Variants in CLSTN2 observed in about 807,000 individuals in gnomAD.
CLSTN2 encodes calsyntenin 2.
Under a neutral mutation model 101.2 loss-of-function variants are expected in CLSTN2, and 48 were observed. The ratio of observed to expected loss-of-function variants is 0.47; its 90% CI spans 0.38 to 0.60. The LOEUF is 0.60. CLSTN2 is among the 20% of genes least tolerant of loss of function. The probability of loss-of-function intolerance (pLI) is 0.00; values close to 1 mark genes in which losing one functional copy is unlikely to be tolerated. For synonymous variants in CLSTN2, 481 were observed against 463.6 expected, an observed-to-expected ratio of 1.04 and a Z score of -0.48; for missense variants, 1,160 against 1,238.2, an observed-to-expected ratio of 0.94 and a Z score of 0.95.
chr3:140,547,372 G>A (rs990003221), intron 10 of CLSTN2, among the ~76,000 whole-genome samples: 4 of 152,068 alleles, frequency 2.6e-5, no homozygotes, highest in African/African-American at 9.7e-5. Context: ...TACTCAGGAG[G>A]CTGAGGCAGG....
rs922984342 is a variant in CLSTN2, at chr3:140,573,993, A to G, written c.*7740A>G. ...GTGAGACTAGTATAGATCTCCAACT[A>G]TTGCTGCCTCTGCTGATATGGCCAC... On this transcript the variant is annotated 3_prime_UTR_variant, in exon 17 of 17. Transcript: ENST00000458420. 1 of 152,024 alleles carries G rather than the reference A, an allele frequency of 6.6e-6. No homozygotes were observed. Among genetic ancestry groups the G allele is most frequent in the African/African-American group, 2.4e-5 (1 of 41,394 alleles). 9.4% of individuals were successfully genotyped at this position (152,024 alleles called of 1,614,324 possible). A position where few individuals can be genotyped will look rare whatever the true frequency, so the allele number is the denominator to read the frequency against.
chr3:140,324,697 G>A (rs2087314865), intron 2 of CLSTN2, among the ~76,000 whole-genome samples: 1 of 152,220 alleles, frequency 6.6e-6, no homozygotes, highest in Non-Finnish European at 1.5e-5. Flanking sequence ...CTCTTGACAT[G>A]AATCTGCATG....
At position 140,459,768 on chromosome 3, in the gene CLSTN2, C is replaced by T. The variant is rs374541944; in HGVS notation, c.1221C>T (p.Thr407=). 4.2e-5 allele frequency: 67 copies of T among 1,610,906 alleles called. No individual in the cohort carries two copies. The highest frequency in any genetic ancestry group is 1.6e-4 in the Middle Eastern group (1 of 6,080). The change falls in exon 7 of 17, where the codon ACC becomes ACT. Residue 407 remains threonine (T), a splice_region_variant and synonymous_variant. Transcript: ENST00000458420. ...KETILCNSDK[T]EMNRHHYALY... is the part of the protein sequence containing the mutation. The stretch of plus-strand genomic sequence containing the variant: ...CCATCCTCTGCAACTCAGACAAAAC[C>T]GGTGAGTCTCTAGCCCAGCCCTTCC...
rs2086745398 is a variant in CLSTN2, at chr3:140,271,888, G to A, written c.232+95815G>A. 1.3e-5 allele frequency among the ~76,000 whole-genome samples: 2 copies of A among 152,206 alleles called. 1 individual carries two copies. Among genetic ancestry groups the A allele is most frequent in the South Asian group, 4.1e-4 (2 of 4,826 alleles). ...AGATGTGTAGGTTCTCAGCTAATGT[G>A]CAAAATGTGTTGGCTTAAGCCGATG... On this transcript the variant is annotated intron_variant, in intron 2 of 16. Coordinates refer to ENST00000458420, the MANE Select transcript of CLSTN2 (RefSeq NM_022131.3).
At chr3:140,472,751 T>C (rs1325099490) in intron 8 of CLSTN2, among the ~76,000 whole-genome samples, 5 of 152,232 alleles carry the variant, frequency 3.3e-5, no homozygotes, top group Non-Finnish European at 7.3e-5. Context: ...ACTTTTTCTA[T>C]GACATCAAAT....
At position 140,409,303 on chromosome 3, in the gene CLSTN2, C is replaced by T. The variant is rs114184791; in HGVS notation, c.637+4537C>T. The stretch of plus-strand genomic sequence containing the variant: ...GACTCCCCCTGCTGCCTGCACGAGT[C>T]CTTTGTCACTGGACCCAGGGCACCA... On this transcript the variant is annotated intron_variant, in intron 4 of 16. Transcript: ENST00000458420. Among the ~76,000 whole-genome samples, 980 of 152,344 alleles carry T rather than the reference C, an allele frequency of 6.4e-3. 11 individuals are homozygous for T. The highest frequency in any genetic ancestry group is 0.022 in the African/African-American group (935 of 41,584).
intron 1 of CLSTN2, among the ~76,000 whole-genome samples, chr3:139,977,578 G>C (rs953916162): frequency 9.2e-5 from 14 of 152,124 alleles, no homozygotes; most frequent in African/African-American, 3.4e-4. Context: ...TTGGCATCAG[G>C]GTGGCTGAGT....
At chr3:140,434,082 A>G (rs1455286753) in intron 5 of CLSTN2, among the ~76,000 whole-genome samples, 1 of 152,164 alleles carries the variant, frequency 6.6e-6, no homozygotes, top group African/African-American at 2.4e-5. Context: ...TCTGCCCACA[A>G]GCCATACTTG....
At chr3:140,484,634 C>G (rs1290713095) in intron 8 of CLSTN2, among the ~76,000 whole-genome samples, 1 of 152,160 alleles carries the variant, frequency 6.6e-6, no homozygotes, top group East Asian at 1.9e-4. Context: ...TTCACATAGT[C>G]CCATATTTCT....
intron 2 of CLSTN2, among the ~76,000 whole-genome samples, chr3:140,266,367 G>C (rs761924479): frequency 6.6e-6 from 1 of 152,168 alleles, no homozygotes; most frequent in Non-Finnish European, 1.5e-5. Context: ...AAACTTGAAA[G>C]AATTCATATT....
intron 2 of CLSTN2, among the ~76,000 whole-genome samples, chr3:140,267,139 G>A (rs540571587): frequency 1.3e-5 from 2 of 152,294 alleles, no homozygotes; most frequent in East Asian, 1.9e-4. Flanking sequence ...GTTCCCAGGC[G>A]GAGTATGTAG....
rs60541490 is a variant in CLSTN2 at position 139,998,336 on chromosome 3, C to CTTTTTTTTTTTTTTTTTTTT, written c.109+62854_109+62873dup. On this transcript the variant is annotated intron_variant, in intron 1 of 16. Coordinates refer to ENST00000458420, the MANE Select transcript of CLSTN2 (RefSeq NM_022131.3). ...ATGGGATAATAGTTCCCCCACATGC[C>CTTTTTTTTTTTTTTTTTTTT]TTTTTTTTTTTTTTTTTTTTGTGAC... Among the ~76,000 whole-genome samples the CTTTTTTTTTTTTTTTTTTTT allele has an allele frequency of 2.5e-3, 164 of 66,812 alleles. 28 individuals are homozygous for CTTTTTTTTTTTTTTTTTTTT. Among genetic ancestry groups the CTTTTTTTTTTTTTTTTTTTT allele is most frequent in the Middle Eastern group, 0.017 (1 of 58 alleles). The allele number at this position is 66,812 out of a possible 152,430, so 43.8% of individuals were successfully genotyped here.
chr3:140,522,629 G>A (rs1033004392), intron 8 of CLSTN2, among the ~76,000 whole-genome samples: 9 of 152,172 alleles, frequency 5.9e-5, no homozygotes, highest in Non-Finnish European at 8.8e-5. Flanking sequence ...ATGCTAGTCC[G>A]CTAGAGCCCA....
rs574848068 is a variant in CLSTN2, at chr3:140,168,551, T to C, written c.110-7400T>C. 3.2e-4 allele frequency among the ~76,000 whole-genome samples: 49 copies of C among 152,232 alleles called. No homozygotes were observed. In the South Asian group the frequency reaches 1.0e-2, roughly 31 times the overall value. On this transcript the variant is annotated intron_variant, in intron 1 of 16. Coordinates refer to ENST00000458420, the MANE Select transcript of CLSTN2 (RefSeq NM_022131.3). The stretch of plus-strand genomic sequence containing the variant: ...ATTTTATCTTTTATGGGGCATGCTT[T>C]TTTTTGGAGCCTTCTAATCTAACCC...
chr3:140,460,980 T>C (rs1212037558), intron 7 of CLSTN2: 2 of 152,156 alleles, frequency 1.3e-5, no homozygotes, highest in African/African-American at 4.8e-5. Flanking sequence ...ATTTTCCCCG[T>C]AGGTAAAATG....
At chr3:140,063,527 G>A (rs2008246441) in intron 1 of CLSTN2, among the ~76,000 whole-genome samples, 3 of 152,214 alleles carry the variant, frequency 2.0e-5, no homozygotes, top group Admixed American at 2.0e-4. Flanking sequence ...GTCACACTGT[G>A]AGGCAGGTAA....
intron 1 of CLSTN2, among the ~76,000 whole-genome samples, chr3:139,939,018 T>C (rs1188286406): frequency 6.6e-6 from 1 of 152,062 alleles, no homozygotes; most frequent in East Asian, 1.9e-4. Flanking sequence ...AGAGACAAGA[T>C]TTTTATGTGA....
At chr3:140,407,419 C>T (rs1304934379) in intron 4 of CLSTN2, among the ~76,000 whole-genome samples, 1 of 152,114 alleles carries the variant, frequency 6.6e-6, no homozygotes, top group Non-Finnish European at 1.5e-5. Context: ...TAACCAGAGA[C>T]TCACCCTCTT....
intron 2 of CLSTN2, among the ~76,000 whole-genome samples, chr3:140,200,423 C>T (rs971970656): frequency 6.6e-5 from 10 of 152,116 alleles, no homozygotes; most frequent in African/African-American, 2.4e-4. Flanking sequence ...TGTTTGAAAA[C>T]AGAGTCAGTA....
Sources: gnomAD v4.1 joint callset for allele counts (sites outside exome capture counted in the v4.1 genomes callset) on GRCh38, gnomAD v4.1.1 for gene constraint, MANE v1.5 for transcripts, NCBI Gene and HGNC (gene_info 2026-07-23, HGNC 2026-07-21) for gene names.